ERP44: variants seen among roughly 807,000 people sequenced by gnomAD.
ERP44 encodes endoplasmic reticulum protein 44.
Under a neutral mutation model 53.4 loss-of-function variants are expected in ERP44, and 25 were observed. The observed-to-expected ratio is 0.47, with a 90% CI of 0.34 to 0.65. The LOEUF (loss-of-function observed/expected upper bound fraction) is 0.65. ERP44 is among the 30% of genes least tolerant of loss of function. The pLI, the probability that ERP44 is intolerant of heterozygous loss-of-function variation, is 0.01. For missense variants in ERP44, 338 were observed against 493.2 expected (o/e 0.69, Z 2.98); for synonymous variants, 145 against 161.2 (o/e 0.90, Z 0.76).
intron 4 of ERP44, among the ~76,000 whole-genome samples, chr9:100,023,255 A>G (rs773148750): frequency 6.6e-6 from 1 of 152,112 alleles, no homozygotes; most frequent in African/African-American, 2.4e-5. Context: ...ATGAGATTAA[A>G]TTGGTACTAC....
chr9:100,088,292 G>A lies in ERP44; in HGVS notation c.57+10492C>T, dbSNP rs568012685. 9.8e-4 allele frequency among the ~76,000 whole-genome samples: 149 copies of A among 152,358 alleles called. 2 individuals are homozygous for A. Among genetic ancestry groups the A allele is most frequent in the African/African-American group, 3.4e-3 (143 of 41,582 alleles). On this transcript the variant is annotated intron_variant, in intron 1 of 11. Transcript: ENST00000262455. ...AAATGACTTCATCTTCTAATATGCTGTATCTTATTCACTATATGACAATCA... is the reference window on the plus strand; with the variant it reads ...AAATGACTTCATCTTCTAATATGCTATATCTTATTCACTATATGACAATCA...
chr9:99,989,130 C>A (rs1830226932), intron 10 of ERP44, among the ~76,000 whole-genome samples: 2 of 152,246 alleles, frequency 1.3e-5, no homozygotes, highest in Admixed American at 6.5e-5. Context: ...TAAAAGGCAG[C>A]AGAAACTTCT....
chr9:100,002,943 TGA>T (rs1830393299), intron 10 of ERP44, among the ~76,000 whole-genome samples: 1 of 152,148 alleles, frequency 6.6e-6, no homozygotes, highest in Non-Finnish European at 1.5e-5. Flanking sequence ...TCCTATAACT[TGA>T]ATATTTACTC....
At chr9:99,987,138 G>A (rs1039335495) in intron 10 of ERP44, among the ~76,000 whole-genome samples, 1 of 152,162 alleles carries the variant, frequency 6.6e-6, no homozygotes, top group Admixed American at 6.5e-5. Flanking sequence ...ATGAAAGAAT[G>A]TGTGCAAAAG....
intron 4 of ERP44, among the ~76,000 whole-genome samples, chr9:100,041,361 A>G (rs1289866017): frequency 6.6e-6 from 1 of 152,148 alleles, no homozygotes; most frequent in Non-Finnish European, 1.5e-5. Context: ...CCAAAACAGC[A>G]TGATACTGGC....
intron 7 of ERP44, among the ~76,000 whole-genome samples, chr9:100,016,693 G>A (rs1197110530): frequency 1.3e-5 from 2 of 151,956 alleles, no homozygotes; most frequent in African/African-American, 2.4e-5. Context: ...GCAGAGATGG[G>A]GTCTTGTTAT....
chr9:100,051,188 T>C (rs1417279232), intron 4 of ERP44, among the ~76,000 whole-genome samples: 1 of 152,200 alleles, frequency 6.6e-6, no homozygotes, highest in Admixed American at 6.5e-5. Flanking sequence ...TGATTTACTA[T>C]TGGAAAATGC....
At chr9:100,044,165 T>G (rs1241580954) in intron 4 of ERP44, among the ~76,000 whole-genome samples, 1 of 152,242 alleles carries the variant, frequency 6.6e-6, no homozygotes, top group African/African-American at 2.4e-5. Context: ...TAATGATAAC[T>G]GTAGTGCCTA....
At chr9:100,039,789 A>G (rs1231129999) in intron 4 of ERP44, among the ~76,000 whole-genome samples, 2 of 152,150 alleles carry the variant, frequency 1.3e-5, no homozygotes, top group African/African-American at 4.8e-5. Context: ...AGACTATGAA[A>G]AAAAGAGCGA....
intron 10 of ERP44, among the ~76,000 whole-genome samples, chr9:100,002,595 T>C (rs1016084241): frequency 4.6e-5 from 7 of 152,326 alleles, no homozygotes; most frequent in Middle Eastern, 3.4e-3. Context: ...CACTCTCTCC[T>C]GGTCTATAAG....
chr9:100,028,936 T>C (rs1010399917), intron 4 of ERP44, among the ~76,000 whole-genome samples: 1 of 152,208 alleles, frequency 6.6e-6, no homozygotes, highest in African/African-American at 2.4e-5. Flanking sequence ...AATGACAGAA[T>C]TTTTAAAATC....
intron 10 of ERP44, among the ~76,000 whole-genome samples, chr9:99,999,567 A>G (rs556784661): frequency 1.3e-5 from 2 of 152,258 alleles, no homozygotes; most frequent in African/African-American, 4.8e-5. Flanking sequence ...GATTCTTTAT[A>G]TATTTTAAGT....
At position 100,000,435 on chromosome 9, in the gene ERP44, C is replaced by CAA. The variant is rs34304276; in HGVS notation, c.1016+6069_1016+6070dup. 5.8e-3 allele frequency among the ~76,000 whole-genome samples: 717 copies of CAA among 123,936 alleles called. 8 individuals are homozygous for CAA. Among genetic ancestry groups the CAA allele is most frequent in the African/African-American group, 0.016 (563 of 34,386 alleles). The allele number at this position is 123,936 out of a possible 152,430, so 81.3% of individuals were successfully genotyped here. On this transcript the variant is annotated intron_variant, in intron 10 of 11. Coordinates refer to ENST00000262455, the MANE Select transcript of ERP44 (RefSeq NM_015051.3). Reference sequence around the variant, plus strand: ...TGAGTGATAAAGCAAGATCCTGTATCAAAAAAAAAAAAAAAAAAACTTTCT... The same window carrying CAA: ...TGAGTGATAAAGCAAGATCCTGTATCAAAAAAAAAAAAAAAAAAAAACTTTCT...
chr9:100,009,236 T>G (rs1332991596), intron 8 of ERP44, among the ~76,000 whole-genome samples: 1 of 152,066 alleles, frequency 6.6e-6, no homozygotes, highest in Admixed American at 6.5e-5. Flanking sequence ...CTCAGCCTCC[T>G]GAGTAGCTGG....
chr9:100,061,118 C>T (rs1396389855), intron 1 of ERP44, among the ~76,000 whole-genome samples: 2 of 152,156 alleles, frequency 1.3e-5, no homozygotes, highest in Admixed American at 6.6e-5. Context: ...TACAATGATG[C>T]TAGTATATAC....
intron 1 of ERP44, among the ~76,000 whole-genome samples, chr9:100,089,693 G>C (rs1234377072): frequency 6.6e-6 from 1 of 151,790 alleles, no homozygotes; most frequent in Non-Finnish European, 1.5e-5. Context: ...ATCATACGCT[G>C]AGGTGGCTAA....
chr9:100,004,035 G>C (rs1006998201), intron 10 of ERP44, among the ~76,000 whole-genome samples: 2 of 152,000 alleles, frequency 1.3e-5, no homozygotes, highest in Non-Finnish European at 2.9e-5. Flanking sequence ...TGGAGTGTAG[G>C]ATCATGGTTG....
chr9:100,048,654 T>C (rs1287745011), intron 4 of ERP44, among the ~76,000 whole-genome samples: 1 of 152,194 alleles, frequency 6.6e-6, no homozygotes, highest in African/African-American at 2.4e-5. Flanking sequence ...CAAATCGTGG[T>C]ATATACATAC....
At chr9:100,033,131 T>C (rs916140575) in intron 4 of ERP44, among the ~76,000 whole-genome samples, 7 of 152,270 alleles carry the variant, frequency 4.6e-5, no homozygotes, top group Non-Finnish European at 1.0e-4. Flanking sequence ...GTAAGTATTC[T>C]TAACTTATGG....
Sources: gnomAD v4.1 joint callset for allele counts (sites outside exome capture counted in the v4.1 genomes callset) on GRCh38, gnomAD v4.1.1 for gene constraint, MANE v1.5 for transcripts, NCBI Gene and HGNC (gene_info 2026-07-23, HGNC 2026-07-21) for gene names.